RTTN: variants seen among roughly 807,000 people sequenced by gnomAD.
The protein encoded by RTTN is rotatin.
RTTN carries 182 observed loss-of-function variants against 269.2 expected under a neutral mutation model. The observed-to-expected ratio is 0.68, with a 90% confidence interval of 0.60 to 0.76. RTTN has a LOEUF of 0.76. Among genes scored for constraint, RTTN ranks in the 30% least tolerant of loss-of-function variants. The pLI, the probability that RTTN is intolerant of heterozygous loss-of-function variation, is 0.00. For synonymous variants in RTTN, 1,006 were observed against 963.5 expected (o/e 1.04, Z -0.82); for missense variants, 2,545 against 2,608.6 (o/e 0.98, Z 0.53).
chr18:70,162,525 CAGGAG>C (rs1419952079), intron 14 of RTTN, among the ~76,000 whole-genome samples: 2 of 152,082 alleles, frequency 1.3e-5, no homozygotes, highest in Admixed American at 6.5e-5. Context: ...CACAGGGCGG[CAGGAG>C]AGAGACAGAA....
At chr18:70,188,936 T>G (rs2061608194) in intron 9 of RTTN, among the ~76,000 whole-genome samples, 1 of 152,194 alleles carries the variant, frequency 6.6e-6, no homozygotes, top group African/African-American at 2.4e-5. Context: ...GGATCTAGAT[T>G]AATTTTTTCA....
Position 70,057,784 on chromosome 18 carries a change from G to C in RTTN, c.4989C>G (p.Ala1663=), listed in dbSNP as rs1454423080. The C allele has an allele frequency of 1.9e-6, 3 of 1,613,700 alleles. No homozygotes were observed. Among genetic ancestry groups the C allele is most frequent in the African/African-American group, 2.7e-5 (2 of 74,904 alleles). Residue 1663 remains alanine, a synonymous_variant, in exon 37 of 49, where the codon GCC becomes GCG. Transcript: ENST00000640769. ...LIQTCVQELR[A]LLPSSPPAEH... ...CAGCTGGAGGTGATGAAGGCAGCAG[G>C]GCTCTGAGTTCCTGGACACATGTCT...
At chr18:70,204,359 G>T (rs2062026025) in intron 2 of RTTN, 96 bp from the exon 3 acceptor site, 1 of 1,233,500 alleles carries the variant, frequency 8.1e-7, no homozygotes, top group Non-Finnish European at 1.1e-6. Flanking sequence ...TATATCAGAT[G>T]TTCCTTTTCT....
chr18:70,079,232 A>C (rs1254478000), intron 32 of RTTN, among the ~76,000 whole-genome samples: 1 of 152,108 alleles, frequency 6.6e-6, no homozygotes, highest in Admixed American at 6.6e-5. Flanking sequence ...TTGAAAAAAA[A>C]ATTTCTTCTA....
intron 8 of RTTN, chr18:70,193,043 C>A: frequency 2.5e-6 from 1 of 404,868 alleles, no homozygotes; most frequent in Non-Finnish European, 4.4e-6. Context: ...CATATATATA[C>A]ATAAACAGAG....
chr18:70,066,949 C>G (rs548249823), intron 34 of RTTN, among the ~76,000 whole-genome samples: 1 of 152,232 alleles, frequency 6.6e-6, no homozygotes, highest in African/African-American at 2.4e-5. Flanking sequence ...GAGCCCTTAA[C>G]CATCTTTCAC....
chr18:70,027,631 A>G (rs569243534), intron 43 of RTTN, among the ~76,000 whole-genome samples: 1 of 152,216 alleles, frequency 6.6e-6, no homozygotes, highest in Non-Finnish European at 1.5e-5. Flanking sequence ...TGAAATTTAT[A>G]TATTTAAATT....
intron 3 of RTTN, 27 bp from the exon 4 acceptor site, chr18:70,202,010 T>C (rs771276758): frequency 1.5e-6 from 2 of 1,301,954 alleles, no homozygotes; most frequent in Non-Finnish European, 1.1e-6. Flanking sequence ...CATTACTGTA[T>C]TGTCGATTCC....
At chr18:70,123,365 T>C (rs753585330) in intron 25 of RTTN, among the ~76,000 whole-genome samples, 26 of 152,080 alleles carry the variant, frequency 1.7e-4, no homozygotes, top group Non-Finnish European at 3.4e-4. Context: ...ATCTATTCTT[T>C]TAGCTATTTT....
intron 14 of RTTN, among the ~76,000 whole-genome samples, chr18:70,157,370 T>C (rs2060709669): frequency 6.6e-6 from 1 of 152,142 alleles, no homozygotes; most frequent in African/African-American, 2.4e-5. Flanking sequence ...GCTCTGGCCC[T>C]GAAAGCACAC....
At chr18:70,121,151 G>A (rs2059727399) in intron 26 of RTTN, among the ~76,000 whole-genome samples, 1 of 152,040 alleles carries the variant, frequency 6.6e-6, no homozygotes, top group Admixed American at 6.6e-5. Context: ...GTTATTTAAG[G>A]CCTGAACACA....
chr18:70,037,508 T>C (rs2144683394), intron 40 of RTTN, among the ~76,000 whole-genome samples: 1 of 152,148 alleles, frequency 6.6e-6, no homozygotes, highest in South Asian at 2.1e-4. Context: ...ATAGACAAAA[T>C]GTGGGCCAAG....
At chr18:70,120,539 C>T (rs2059709249) in intron 26 of RTTN, among the ~76,000 whole-genome samples, 1 of 151,956 alleles carries the variant, frequency 6.6e-6, no homozygotes, top group South Asian at 2.1e-4. Context: ...CCACTATGTC[C>T]TATATCAGTT....
At chr18:70,173,119 A>T (rs2061186554) in intron 11 of RTTN, among the ~76,000 whole-genome samples, 1 of 152,196 alleles carries the variant, frequency 6.6e-6, no homozygotes, top group Non-Finnish European at 1.5e-5. Context: ...CCTTAAAGCA[A>T]AATACTATAT....
intron 46 of RTTN, among the ~76,000 whole-genome samples, chr18:70,010,786 A>C (rs2056345897): frequency 6.6e-6 from 1 of 152,226 alleles, no homozygotes. Context: ...TCAAAAAATC[A>C]ATGAATCCCG....
chr18:70,204,233 C>G lies in RTTN; in HGVS notation c.250G>C (p.Val84Leu), dbSNP rs527980203. The G allele has an allele frequency of 6.2e-7, 1 of 1,612,496 alleles. No individual in the cohort carries two copies. Residue 84 changes from valine to leucine, a missense_variant, in exon 3 of 49, where the codon GTT becomes CTT. By Grantham distance (32) the Val-to-Leu change is conservative (BLOSUM62 1). Transcript: ENST00000640769. Reference sequence around the variant, plus strand: ...TTAGATAAGAACTCTACTGCACCAACGTCAACCAAATGTTGGACTGCTGGG... The same window carrying G: ...TTAGATAAGAACTCTACTGCACCAAGGTCAACCAAATGTTGGACTGCTGGG... ...YPPAVQHLVD[V>L]GAVEFLSKLR...
At chr18:70,205,441 C>T (rs561523367) in intron 1 of RTTN, 126 bp from the exon 2 acceptor site, 4 of 1,385,470 alleles carry the variant, frequency 2.9e-6, no homozygotes, top group African/African-American at 2.8e-5. Flanking sequence ...GCCACTGGTG[C>T]CTTCGGGACG....
At chr18:70,113,292 A>G (rs1417850366) in intron 27 of RTTN, among the ~76,000 whole-genome samples, 1 of 152,224 alleles carries the variant, frequency 6.6e-6, no homozygotes, top group Admixed American at 6.5e-5. Flanking sequence ...CCATAAGAAC[A>G]TGAGAAGATG....
chr18:70,040,978 G>A (rs771229074), intron 40 of RTTN, among the ~76,000 whole-genome samples: 16 of 152,240 alleles, frequency 1.1e-4, no homozygotes, highest in African/African-American at 3.1e-4. Context: ...CCAGCCCTTC[G>A]GGAGGCCAAG....
Sources: allele counts gnomAD v4.1 joint callset (sites outside exome capture counted in the v4.1 genomes callset), GRCh38; gene constraint gnomAD v4.1.1; transcripts MANE v1.5; gene names NCBI Gene and HGNC (gene_info 2026-07-23, HGNC 2026-07-21).